PPP1R42: variants seen among roughly 807,000 people sequenced by gnomAD.
The protein encoded by PPP1R42 is protein phosphatase 1 regulatory subunit 42, also known as leucine rich repeat containing 67.
PPP1R42 carries 34 observed loss-of-function variants against 31.0 expected under a neutral mutation model. That is an observed-to-expected ratio of 1.10 (90% CI 0.83 to 1.46). The LOEUF (loss-of-function observed/expected upper bound fraction) is 1.46. Among genes scored for constraint, PPP1R42 ranks in the 40% most tolerant of loss-of-function variants. The probability of loss-of-function intolerance (pLI) is 0.00; values close to 1 mark genes in which losing one functional copy is unlikely to be tolerated. For synonymous variants in PPP1R42, 103 were observed against 109.8 expected (o/e 0.94, Z 0.39); for missense variants, 268 against 303.0 (o/e 0.88, Z 0.86).
At chr8:66,978,791 G>C (rs1010479728) in intron 7 of PPP1R42, among the ~76,000 whole-genome samples, 1 of 152,128 alleles carries the variant, frequency 6.6e-6, no homozygotes, top group African/African-American at 2.4e-5. Context: ...TTGTGGTTTT[G>C]ATTTGCATCC....
Position 66,964,188 on chromosome 8 carries a change from C to G in PPP1R42, c.*133G>C. On this transcript the variant is annotated 3_prime_UTR_variant, in exon 8 of 8. Coordinates refer to ENST00000685739, the MANE Select transcript of PPP1R42 (RefSeq NM_001364910.1). ...TTGCCTAGTCATATAAGGTTAAAAA[C>G]AAAATCAAACGTTTCCTGTCACTTG... 1.8e-6 allele frequency: 1 copy of G among 564,348 alleles called. No homozygotes were observed. Among genetic ancestry groups the G allele is most frequent in the Non-Finnish European group, 3.0e-6 (1 of 328,140 alleles). The allele number at this position is 564,348 out of a possible 1,614,324, so 35.0% of individuals were successfully genotyped here.
At chr8:67,024,830 A>G (rs1816344845) in intron 1 of PPP1R42, among the ~76,000 whole-genome samples, 17 of 151,980 alleles carry the variant, frequency 1.1e-4, no homozygotes, top group Admixed American at 1.1e-3. Context: ...CCAGGCTGGT[A>G]GACCTCTAAT....
chr8:67,014,418 G>A lies in PPP1R42; in HGVS notation c.296+8C>T, dbSNP rs1321454383. ...TCAGATACATTATTAAAAAATAAAAGCACTTACAGTTTTTCCAGTTTCTTT... is the reference window on the plus strand; with the variant it reads ...TCAGATACATTATTAAAAAATAAAAACACTTACAGTTTTTCCAGTTTCTTT... On this transcript the variant is annotated splice_region_variant and intron_variant, in intron 3 of 7. Coordinates refer to ENST00000685739, the MANE Select transcript of PPP1R42 (RefSeq NM_001364910.1). 1 of 1,433,856 alleles carries A rather than the reference G, an allele frequency of 7.0e-7. No homozygotes were observed. The allele number at this position is 1,433,856 out of a possible 1,614,324, so 88.8% of individuals were successfully genotyped here. A position where few individuals can be genotyped will look rare whatever the true frequency, so the allele number is the denominator to read the frequency against.
At chr8:67,022,106 C>T (rs1201693378) in intron 1 of PPP1R42, among the ~76,000 whole-genome samples, 2 of 152,090 alleles carry the variant, frequency 1.3e-5, no homozygotes, top group Non-Finnish European at 2.9e-5. Flanking sequence ...AAATTTTTCT[C>T]CAAAGGAATT....
At position 67,017,538 on chromosome 8, in the gene PPP1R42, AT is replaced by A. The variant is rs1488149088; in HGVS notation, c.129+80del. ...TAAGAATAATGAAAATATAGTTAAAATATTAGGTATGCTCCCAAACCAATTC... is the reference window on the plus strand; with the variant it reads ...TAAGAATAATGAAAATATAGTTAAAAATTAGGTATGCTCCCAAACCAATTC... On this transcript the variant is annotated intron_variant, in intron 2 of 7. Coordinates refer to ENST00000685739, the MANE Select transcript of PPP1R42 (RefSeq NM_001364910.1). 6 of 720,556 alleles carry A rather than the reference AT, an allele frequency of 8.3e-6. No homozygotes were observed. In the Admixed American group the frequency reaches 2.3e-4, roughly 27 times the overall value. The allele number at this position is 720,556 out of a possible 1,614,324, so 44.6% of individuals were successfully genotyped here.
chr8:67,023,969 C>A (rs1236108489), intron 1 of PPP1R42, among the ~76,000 whole-genome samples: 1 of 151,824 alleles, frequency 6.6e-6, no homozygotes, highest in Non-Finnish European at 1.5e-5. Flanking sequence ...ATGGTGAAAA[C>A]CCGTCTCTAC....
At chr8:67,003,688 G>C (rs1341923873) in intron 5 of PPP1R42, among the ~76,000 whole-genome samples, 1 of 151,882 alleles carries the variant, frequency 6.6e-6, no homozygotes, top group Non-Finnish European at 1.5e-5. Flanking sequence ...CTATTGCTGT[G>C]GTCCAAATGT....
intron 5 of PPP1R42, among the ~76,000 whole-genome samples, chr8:67,001,223 AT>A (rs1170169699): frequency 2.0e-3 from 279 of 137,080 alleles, no homozygotes; most frequent in Middle Eastern, 8.0e-3. Flanking sequence ...GTACCATTGG[AT>A]TTTTTTTTTT....
chr8:66,967,897 C>T (rs1482023759), intron 7 of PPP1R42, among the ~76,000 whole-genome samples: 1 of 151,592 alleles, frequency 6.6e-6, no homozygotes, highest in Non-Finnish European at 1.5e-5. Context: ...TATGGTGCTA[C>T]ACAGTATTCT....
intron 5 of PPP1R42, among the ~76,000 whole-genome samples, chr8:66,993,894 G>A (rs1239005947): frequency 1.3e-5 from 2 of 152,212 alleles, no homozygotes; most frequent in African/African-American, 4.8e-5. Context: ...AAGGCTAGAA[G>A]CAGGACAGGA....
intron 1 of PPP1R42, among the ~76,000 whole-genome samples, chr8:67,023,981 A>G (rs1025153018): frequency 2.6e-5 from 4 of 151,994 alleles, no homozygotes; most frequent in Admixed American, 6.6e-5. Flanking sequence ...CGTCTCTACT[A>G]AAAATACAAA....
At chr8:66,964,950 C>G (rs1412541618) in intron 7 of PPP1R42, among the ~76,000 whole-genome samples, 3 of 152,174 alleles carry the variant, frequency 2.0e-5, no homozygotes, top group African/African-American at 7.2e-5. Flanking sequence ...TTTCTCCCAC[C>G]TCCAGTTTCT....
At chr8:67,018,393 C>T (rs1396105137) in intron 1 of PPP1R42, among the ~76,000 whole-genome samples, 1 of 152,002 alleles carries the variant, frequency 6.6e-6, no homozygotes, top group Non-Finnish European at 1.5e-5. Flanking sequence ...GCTGAGATTA[C>T]AGGCGTGAGC....
At chr8:66,973,265 G>A (rs886741101) in intron 7 of PPP1R42, among the ~76,000 whole-genome samples, 2 of 151,636 alleles carry the variant, frequency 1.3e-5, no homozygotes, top group South Asian at 2.1e-4. Context: ...TATTTAACAT[G>A]AGATCTACCC....
chr8:67,018,114 T>A (rs1057389926), intron 1 of PPP1R42, among the ~76,000 whole-genome samples: 1 of 150,952 alleles, frequency 6.6e-6, no homozygotes, highest in African/African-American at 2.5e-5. Flanking sequence ...TATCTTTTTT[T>A]CTTTTCTTTT....
rs1815943707 is a variant in PPP1R42 at position 67,014,550 on chromosome 8, A to G, written c.172T>C (p.Tyr58His). 1.3e-6 allele frequency: 2 copies of G among 1,550,136 alleles called. No individual in the cohort carries two copies. Among genetic ancestry groups the G allele is most frequent in the Admixed American group, 1.8e-5 (1 of 54,660 alleles). ...LCKNLSVLYL[Y>H]DNCISQITNL... ...GTGATTTGACTAATACAATTATCAT[A>G]TAAATATAAAACACTAAGATTTTTG... The change falls in exon 3 of 8, where the codon TAT becomes CAT. Residue 58 changes from tyrosine (Y) to histidine (H), a missense_variant. Coordinates refer to ENST00000685739, the MANE Select transcript of PPP1R42 (RefSeq NM_001364910.1).
At position 66,976,611 on chromosome 8, in the gene PPP1R42, GT is replaced by G. The variant is rs561585989; in HGVS notation, c.802+5437del. ...TTAATTCTATGAGATCAACTTTTTG[GT>G]TTTTTTTTTTTTTTTAGCTTTCACA... On this transcript the variant is annotated intron_variant, in intron 7 of 7. Transcript: ENST00000685739. Among the ~76,000 whole-genome samples, 561 of 133,284 alleles carry G rather than the reference GT, an allele frequency of 4.2e-3. 1 individual carries two copies. The highest frequency in any genetic ancestry group is 4.9e-3 in the Non-Finnish European group (302 of 61,094). The allele number at this position is 133,284 out of a possible 152,430, so 87.4% of individuals were successfully genotyped here.
intron 1 of PPP1R42, among the ~76,000 whole-genome samples, chr8:67,026,644 T>C (rs183408955): frequency 5.6e-4 from 85 of 151,948 alleles, no homozygotes; most frequent in African/African-American, 1.9e-3. Flanking sequence ...GAGACCAGCC[T>C]GAGCAACATG....
chr8:66,988,658 A>G, intron 5 of PPP1R42, 141 bp from the exon 6 acceptor site: 2 of 662,528 alleles, frequency 3.0e-6, no homozygotes, highest in Non-Finnish European at 4.6e-6. Context: ...GTGCATAATA[A>G]CTAAATTTTG....
Sources: gnomAD v4.1 joint callset for allele counts (sites outside exome capture counted in the v4.1 genomes callset) on GRCh38, gnomAD v4.1.1 for gene constraint, MANE v1.5 for transcripts, NCBI Gene and HGNC (gene_info 2026-07-23, HGNC 2026-07-21) for gene names.